Variants in ZNF705G observed in about 807,000 individuals in gnomAD.
ZNF705G encodes the protein zinc finger protein 705G.
In ZNF705G, 23 loss-of-function variants were observed where a neutral mutation model predicts 19.6. The ratio of observed to expected loss-of-function variants is 1.17; its 90% CI spans 0.84 to 1.66. ZNF705G has a LOEUF of 1.66. ZNF705G is among the 40% of genes most tolerant of loss of function. ZNF705G has a pLI of 0.00. For missense variants in ZNF705G, 457 were observed against 354.4 expected, an observed-to-expected ratio of 1.29 and a Z score of -2.32; for synonymous variants, 146 against 117.7, an observed-to-expected ratio of 1.24 and a Z score of -1.56.
chr8:7,360,750 T>C (rs1806542494), intron 4 of ZNF705G, among the ~76,000 whole-genome samples: 2 of 149,708 alleles, frequency 1.3e-5, no homozygotes, highest in African/African-American at 5.1e-5. Context: ...TTTTCCCTAA[T>C]TGGTCTCAGC....
At chr8:7,363,621 G>C (rs184146084) in intron 2 of ZNF705G, among the ~76,000 whole-genome samples, 111 of 149,582 alleles carry the variant, frequency 7.4e-4, no homozygotes, top group Non-Finnish European at 1.1e-3. Flanking sequence ...AAGTGTTCGA[G>C]ACTAGCCTGG....
At chr8:7,377,636 A>G (rs2128845944) in intron 2 of ZNF705G, 1 of 206,820 alleles carries the variant, frequency 4.8e-6, no homozygotes, top group Admixed American at 9.3e-5. Context: ...AACCAAAACC[A>G]ACCAGCACAA....
At chr8:7,378,765 G>A (rs1363009976) in intron 2 of ZNF705G, among the ~76,000 whole-genome samples, 2 of 144,766 alleles carry the variant, frequency 1.4e-5, no homozygotes, top group South Asian at 2.1e-4. Flanking sequence ...CCATTTTTTA[G>A]GACTCATGAT....
rs1033444317 is a variant in ZNF705G, at chr8:7,362,777, G to A, written c.12+158C>T. ...GGGGCCAGATACCTGAAAGCCTCCT[G>A]ATTGCATTTGGAACACCCAGGCAGG... is the stretch of plus-strand genomic sequence containing the variant. On this transcript the variant is annotated intron_variant, in intron 3 of 6. Transcript: ENST00000400156. Among the ~76,000 whole-genome samples, 23 of 149,384 alleles carry A rather than the reference G, an allele frequency of 1.5e-4. 2 individuals carry two copies. Among genetic ancestry groups the A allele is most frequent in the African/African-American group, 5.7e-4 (22 of 38,842 alleles).
intron 2 of ZNF705G, among the ~76,000 whole-genome samples, chr8:7,376,880 A>AGAGT (rs1554527674): frequency 1.4e-5 from 2 of 145,154 alleles, no homozygotes; most frequent in Non-Finnish European, 1.5e-5. Context: ...ATATAGAGAG[A>AGAGT]GTGTGTGTGT....
At chr8:7,360,591 A>G (rs1399941216) in intron 4 of ZNF705G, among the ~76,000 whole-genome samples, 1 of 149,480 alleles carries the variant, frequency 6.7e-6, no homozygotes, top group Non-Finnish European at 1.5e-5. Context: ...CCTAAGTTCC[A>G]AGACGCAATG....
At chr8:7,371,341 G>A (rs1807089540) in intron 2 of ZNF705G, among the ~76,000 whole-genome samples, 2 of 140,270 alleles carry the variant, frequency 1.4e-5, no homozygotes, top group African/African-American at 5.6e-5. Context: ...TGTGGTTAGA[G>A]CACAAAGTTT....
In ZNF705G at chr8:7,360,233, T is replaced by C; in HGVS notation, c.235+4A>G. 1 of 1,592,198 alleles carries C rather than the reference T, an allele frequency of 6.3e-7. No homozygotes were observed. Among genetic ancestry groups the C allele is most frequent in the Non-Finnish European group, 8.5e-7 (1 of 1,179,046 alleles). ...CTATTAGAGCACAGGACCCTGTTGC[T>C]TACTTGGATTCTGGTCTTGAAGAAA... On this transcript the variant is annotated splice_donor_region_variant and intron_variant, in intron 5 of 6. Transcript: ENST00000400156.
At chr8:7,383,130 T>TA (rs200549690) in intron 1 of ZNF705G, among the ~76,000 whole-genome samples, 9,082 of 148,046 alleles carry the variant, frequency 0.061, 60 homozygotes, top group East Asian at 0.16. Flanking sequence ...GTTTGATTTT[T>TA]TTTTTTTTTT....
chr8:7,384,295 GAA>G (rs1229171444), intron 1 of ZNF705G, among the ~76,000 whole-genome samples: 4 of 140,074 alleles, frequency 2.9e-5, no homozygotes, highest in African/African-American at 1.2e-4. Context: ...TTTGTCTCAG[GAA>G]AAAAAAAAAT....
intron 1 of ZNF705G, among the ~76,000 whole-genome samples, chr8:7,385,131 G>A (rs1276815223): frequency 6.8e-6 from 1 of 148,086 alleles, no homozygotes; most frequent in African/African-American, 2.7e-5. Context: ...GTGCATAAAA[G>A]GTTGTCTGAA....
Position 7,365,375 on chromosome 8 carries a change from A to ATT in ZNF705G, c.-71-2360_-71-2359dup, listed in dbSNP as rs71253679. On this transcript the variant is annotated intron_variant, in intron 2 of 6. Coordinates refer to ENST00000400156, the MANE Select transcript of ZNF705G (RefSeq NM_001164457.3). Reference sequence around the variant, plus strand: ...TATCTCCCTCCAGATGTCTCTCTCTATTTTTTTTTTTTTTTTTTTTTTGGC... The same window carrying ATT: ...TATCTCCCTCCAGATGTCTCTCTCTATTTTTTTTTTTTTTTTTTTTTTTTGGC... Among the ~76,000 whole-genome samples the ATT allele has an allele frequency of 8.0e-3, 892 of 111,856 alleles. 28 individuals are homozygous for ATT. The highest frequency in any genetic ancestry group is 0.023 in the African/African-American group (567 of 24,348). 73.4% of individuals were successfully genotyped at this position (111,856 alleles called of 152,430 possible). A position where few individuals can be genotyped will look rare whatever the true frequency, so the allele number is the denominator to read the frequency against.
rs1362397178 is a variant in ZNF705G, at chr8:7,368,542, T to C, written c.-71-5525A>G. Among the ~76,000 whole-genome samples, 7 of 149,788 alleles carry C rather than the reference T, an allele frequency of 4.7e-5. 1 individual carries two copies. Among genetic ancestry groups the C allele is most frequent in the African/African-American group, 1.5e-4 (6 of 39,136 alleles). On this transcript the variant is annotated intron_variant, in intron 2 of 6. Transcript: ENST00000400156. ...GCAGAAATGAAGTCAGGAAGTATTA[T>C]AGGGGTCATGTAGTACTTGTAAGAC...
chr8:7,358,176 T>C lies in ZNF705G; in HGVS notation c.703A>G (p.Lys235Glu), dbSNP rs1484765975. ...QRPYKCHQYG[K>E]VFIQSFNLQR... The stretch of plus-strand genomic sequence containing the variant: ...AGGTTAAAGGATTGAATAAAGACTT[T>C]CCCATATTGATGACACTTATATGGT... Residue 235 changes from lysine to glutamate, a missense_variant, in exon 7 of 7, where the codon AAA (lysine) becomes GAA (glutamate). By Grantham distance (56) the Lys-to-Glu change is moderately conservative. Transcript: ENST00000400156. The C allele has an allele frequency of 6.2e-7, 1 of 1,607,632 alleles. No homozygotes were observed. The highest frequency in any genetic ancestry group is 8.5e-7 in the Non-Finnish European group (1 of 1,179,624).
chr8:7,366,460 C>A (rs1273841511), intron 2 of ZNF705G, among the ~76,000 whole-genome samples: 8 of 149,478 alleles, frequency 5.4e-5, no homozygotes, highest in Admixed American at 3.3e-4. Context: ...TATTTAGATA[C>A]AATAAAATAA....
At chr8:7,370,720 C>T (rs1807065343) in intron 2 of ZNF705G, among the ~76,000 whole-genome samples, 1 of 134,900 alleles carries the variant, frequency 7.4e-6, no homozygotes, top group Admixed American at 7.3e-5. Context: ...TGGGTATATA[C>T]CCAAAGGAAT....
At position 7,375,668 on chromosome 8, in the gene ZNF705G, G is replaced by T. The variant is rs1415061008; in HGVS notation, c.-72+5784C>A. Among the ~76,000 whole-genome samples the T allele has an allele frequency of 5.3e-5, 5 of 94,220 alleles. 2 individuals are homozygous for T. Among genetic ancestry groups the T allele is most frequent in the African/African-American group, 9.8e-5 (2 of 20,344 alleles). The allele number at this position is 94,220 out of a possible 152,430, so 61.8% of individuals were successfully genotyped here. A position where few individuals can be genotyped will look rare whatever the true frequency, so the allele number is the denominator to read the frequency against. On this transcript the variant is annotated intron_variant, in intron 2 of 6. Coordinates refer to ENST00000400156, the MANE Select transcript of ZNF705G (RefSeq NM_001164457.3). ...CACATGATTCAAAGACCTCTGAACCGAGAGTAACAACAAATTTCTGCACAA... is the reference window on the plus strand; with the variant it reads ...CACATGATTCAAAGACCTCTGAACCTAGAGTAACAACAAATTTCTGCACAA...
intron 2 of ZNF705G, among the ~76,000 whole-genome samples, chr8:7,369,006 G>C (rs944061123): frequency 1.3e-5 from 2 of 149,636 alleles, no homozygotes; most frequent in South Asian, 2.1e-4. Context: ...CACATGGCTG[G>C]GGGGAGGCAG....
rs549572613 is a variant in ZNF705G, at chr8:7,364,290, T to C, written c.-71-1273A>G. ...TGCTAAAAATATAAAAATAATTAAA[T>C]ATATTTTATGTACAAATGATAATTA... On this transcript the variant is annotated intron_variant, in intron 2 of 6. Transcript: ENST00000400156. 2.7e-4 allele frequency among the ~76,000 whole-genome samples: 41 copies of C among 149,716 alleles called. 3 individuals are homozygous for C. The highest frequency in any genetic ancestry group is 9.7e-4 in the African/African-American group (38 of 39,170).
Sources: gnomAD v4.1 joint callset for allele counts (sites outside exome capture counted in the v4.1 genomes callset) on GRCh38, gnomAD v4.1.1 for gene constraint, MANE v1.5 for transcripts, NCBI Gene and HGNC (gene_info 2026-07-23, HGNC 2026-07-21) for gene names.